Variants in SUSD4 observed in about 807,000 individuals in gnomAD.
The protein encoded by SUSD4 is sushi domain containing 4.
SUSD4 carries 41 observed loss-of-function variants against 50.5 expected under a neutral mutation model. That is an observed-to-expected ratio of 0.81 (90% confidence interval 0.63 to 1.05). The LOEUF is 1.05. Ranked by LOEUF, SUSD4 falls within the 50% of genes least tolerant of loss-of-function variation. The pLI is 0.00. For synonymous variants in SUSD4, 257 were observed against 257.3 expected (o/e 1.00, Z 0.01); for missense variants, 580 against 634.7 (o/e 0.91, Z 0.93).
In SUSD4 at chr1:223,243,917, A is replaced by T. The variant is rs549248691; in HGVS notation, c.725-14529T>A. 2.6e-5 allele frequency among the ~76,000 whole-genome samples: 4 copies of T among 152,360 alleles called. No homozygotes were observed. In the East Asian group the frequency reaches 7.7e-4, roughly 29 times the overall value. On this transcript the variant is annotated intron_variant, in intron 5 of 8. Coordinates refer to ENST00000366878, the MANE Select transcript of SUSD4 (RefSeq NM_017982.4). ...GACTTTCTGAAATAAGAGCCTCTTTATTCTGTTACCTAAGTATAGTAATTA... is the reference window on the plus strand; with the variant it reads ...GACTTTCTGAAATAAGAGCCTCTTTTTTCTGTTACCTAAGTATAGTAATTA...
chr1:223,286,241 G>A (rs1031266224), intron 3 of SUSD4, among the ~76,000 whole-genome samples: 2 of 152,066 alleles, frequency 1.3e-5, no homozygotes, highest in East Asian at 1.9e-4. Flanking sequence ...TCAGCCTCCC[G>A]AGTAGCTGGG....
intron 2 of SUSD4, among the ~76,000 whole-genome samples, chr1:223,348,388 C>T (rs1668161690): frequency 6.6e-6 from 1 of 152,202 alleles, no homozygotes; most frequent in South Asian, 2.1e-4. Flanking sequence ...ATCTCTGACT[C>T]TCCCATCCTG....
At position 223,229,252 on chromosome 1, in the gene SUSD4, G is replaced by A; in HGVS notation, c.861C>T (p.Ile287=). 1 of 1,612,902 alleles carries A rather than the reference G, an allele frequency of 6.2e-7. No homozygotes were observed. The highest frequency in any genetic ancestry group is 1.3e-5 in the African/African-American group (1 of 75,034). The change falls in exon 6 of 9, where the codon ATC becomes ATT. Residue 287 remains isoleucine, a synonymous_variant. Transcript: ENST00000366878. This position sits in a 1 kb window ranked among gnomAD's most constrained non-coding sequence, Gnocchi z 4.7. The part of the protein sequence containing the change: ...GYSLTSDYKY[I]TCQYGEWFPS... The stretch of plus-strand genomic sequence containing the variant: ...GAAACCACTCTCCATACTGGCAGGT[G>A]ATGTACTTGTAGTCGCTGGTGAGGC...
At chr1:223,345,523 A>AG (rs1667982768) in intron 2 of SUSD4, among the ~76,000 whole-genome samples, 1 of 152,160 alleles carries the variant, frequency 6.6e-6, no homozygotes. Flanking sequence ...TGCATCCCTC[A>AG]GGGGGATCCC....
At chr1:223,316,901 A>G (rs145227201) in intron 2 of SUSD4, among the ~76,000 whole-genome samples, 1 of 152,266 alleles carries the variant, frequency 6.6e-6, no homozygotes, top group East Asian at 1.9e-4. Flanking sequence ...TGAGGCAAGG[A>G]GAGGCACCTA....
intron 2 of SUSD4, among the ~76,000 whole-genome samples, chr1:223,301,914 C>G (rs1665222255): frequency 1.3e-5 from 2 of 152,082 alleles, no homozygotes; most frequent in Non-Finnish European, 2.9e-5. Context: ...TCTCAAAATC[C>G]CTTGCTCTTA....
chr1:223,311,909 C>T (rs1665902194), intron 2 of SUSD4, among the ~76,000 whole-genome samples: 1 of 152,176 alleles, frequency 6.6e-6, no homozygotes, highest in Non-Finnish European at 1.5e-5. Flanking sequence ...ACTTTACGCT[C>T]CAGGATTCAG....
chr1:223,317,312 C>T (rs1666258771), intron 2 of SUSD4, among the ~76,000 whole-genome samples: 1 of 152,134 alleles, frequency 6.6e-6, no homozygotes, highest in African/African-American at 2.4e-5. Flanking sequence ...TCCTATATGG[C>T]CTTAAAAGGG....
intron 2 of SUSD4, among the ~76,000 whole-genome samples, chr1:223,360,643 G>A (rs1346892626): frequency 6.6e-6 from 1 of 152,010 alleles, no homozygotes; most frequent in Non-Finnish European, 1.5e-5. Context: ...TGCCTTTCTA[G>A]TTCAGGCTTT....
chr1:223,279,650 T>C (rs1362314013), intron 3 of SUSD4, among the ~76,000 whole-genome samples: 3 of 152,194 alleles, frequency 2.0e-5, no homozygotes, highest in East Asian at 3.9e-4. Flanking sequence ...TGGAACCAAG[T>C]TGGAAAACAC....
At chr1:223,331,244 C>T (rs1452498928) in intron 2 of SUSD4, among the ~76,000 whole-genome samples, 1 of 152,164 alleles carries the variant, frequency 6.6e-6, no homozygotes, top group Non-Finnish European at 1.5e-5. Context: ...GAGTAATAAT[C>T]CTGACTTAGA....
intron 2 of SUSD4, among the ~76,000 whole-genome samples, chr1:223,347,067 CTTT>C (rs1668073666): frequency 6.6e-6 from 1 of 151,662 alleles, no homozygotes; most frequent in South Asian, 2.1e-4. Flanking sequence ...TTAAAAAATG[CTTT>C]TTAATTTTTG....
At position 223,311,796 on chromosome 1, in the gene SUSD4, C is replaced by A. The variant is rs376423167; in HGVS notation, c.149-19145G>T. On this transcript the variant is annotated intron_variant, in intron 2 of 8. Coordinates refer to ENST00000366878, the MANE Select transcript of SUSD4 (RefSeq NM_017982.4). ...TGCAGACTGTACTATCATTATAGGG[C>A]AGAAAACAAAACAAAACAGAAAAAT... 5.9e-5 allele frequency among the ~76,000 whole-genome samples: 9 copies of A among 152,224 alleles called. No homozygotes were observed. The East Asian group carries it at 9.6e-4, about 16-fold the overall frequency.
At chr1:223,292,053 G>GCA (rs1558221197) in intron 3 of SUSD4, among the ~76,000 whole-genome samples, 1 of 152,128 alleles carries the variant, frequency 6.6e-6, no homozygotes, top group Non-Finnish European at 1.5e-5. Flanking sequence ...TCTGAGTAAT[G>GCA]CACATCTTCT....
chr1:223,264,600 T>C (rs752832269), intron 5 of SUSD4, 30 bp downstream of exon 5: 6 of 1,611,290 alleles, frequency 3.7e-6, no homozygotes, highest in Non-Finnish European at 5.1e-6. Context: ...TAATACAAAA[T>C]ACAACTTCCG....
At chr1:223,283,061 C>A (rs1292672928) in intron 3 of SUSD4, among the ~76,000 whole-genome samples, 2 of 152,160 alleles carry the variant, frequency 1.3e-5, no homozygotes, top group African/African-American at 4.8e-5. Flanking sequence ...CTTCCTTACA[C>A]CTTATATGAA....
chr1:223,314,762 C>T (rs995340987), intron 2 of SUSD4, among the ~76,000 whole-genome samples: 3 of 152,204 alleles, frequency 2.0e-5, no homozygotes, highest in African/African-American at 7.2e-5. Flanking sequence ...CACCTTCTGC[C>T]ATGAGTGTGA....
At chr1:223,240,493 T>C (rs1660506752) in intron 5 of SUSD4, among the ~76,000 whole-genome samples, 1 of 152,172 alleles carries the variant, frequency 6.6e-6, no homozygotes, top group Non-Finnish European at 1.5e-5. Flanking sequence ...TCAGTCTTTG[T>C]TCTGTTTGCT....
chr1:223,240,024 G>A (rs372169928), intron 5 of SUSD4, among the ~76,000 whole-genome samples: 3 of 151,518 alleles, frequency 2.0e-5, no homozygotes, highest in East Asian at 3.9e-4. Context: ...TTTCTCCTTC[G>A]CTTCTGAACG....
Sources: allele counts gnomAD v4.1 joint callset (sites outside exome capture counted in the v4.1 genomes callset), GRCh38; gene constraint gnomAD v4.1.1; non-coding constraint Gnocchi (gnomAD v3.1); transcripts MANE v1.5; gene names NCBI Gene and HGNC (gene_info 2026-07-23, HGNC 2026-07-21).